The following TCERG1L variants were observed in gnomAD, a reference collection of about 807,000 sequenced individuals.
TCERG1L encodes the protein transcription elongation regulator 1 like, also known as transcription elongation regulator 1-like protein.
In TCERG1L, 37 loss-of-function variants were observed where a neutral mutation model predicts 56.3. The ratio of observed to expected loss-of-function variants is 0.66; its 90% confidence interval spans 0.51 to 0.87. The LOEUF is 0.87. Among genes scored for constraint, TCERG1L ranks in the 40% least tolerant of loss-of-function variants. The pLI is 0.00. For missense variants in TCERG1L, 799 were observed against 774.2 expected (o/e 1.03, Z -0.38); for synonymous variants, 324 against 326.3 (o/e 0.99, Z 0.08).
intron 3 of TCERG1L, among the ~76,000 whole-genome samples, chr10:131,300,402 T>A (rs1462759061): frequency 6.6e-6 from 1 of 152,214 alleles, no homozygotes; most frequent in Non-Finnish European, 1.5e-5. Flanking sequence ...CTCTCCTGGC[T>A]CTGGAAAAAG....
chr10:131,125,208 CATG>C (rs1564796575), intron 8 of TCERG1L, among the ~76,000 whole-genome samples: 1 of 151,398 alleles, frequency 6.6e-6, no homozygotes, highest in Non-Finnish European at 1.5e-5. Context: ...TGGTGATGAA[CATG>C]ATGATGATGG....
chr10:131,265,530 A>G (rs1429897351), intron 3 of TCERG1L, among the ~76,000 whole-genome samples: 1 of 152,226 alleles, frequency 6.6e-6, no homozygotes, highest in African/African-American at 2.4e-5. Flanking sequence ...CATGATAACC[A>G]TCGGAATTGA....
chr10:131,131,682 G>A (rs914323274), intron 8 of TCERG1L, among the ~76,000 whole-genome samples: 12 of 152,166 alleles, frequency 7.9e-5, no homozygotes, highest in Non-Finnish European at 1.2e-4. Context: ...AATGTGTATC[G>A]ATTATGCCAG....
intron 4 of TCERG1L, among the ~76,000 whole-genome samples, chr10:131,234,622 G>A (rs1845892485): frequency 6.6e-6 from 1 of 152,196 alleles, no homozygotes; most frequent in Admixed American, 6.5e-5. Context: ...AAAATAACCA[G>A]CACCTTGGAA....
At chr10:131,250,958 C>A (rs920040723) in intron 4 of TCERG1L, among the ~76,000 whole-genome samples, 1 of 152,116 alleles carries the variant, frequency 6.6e-6, no homozygotes, top group Non-Finnish European at 1.5e-5. Context: ...ATTTCACCAC[C>A]GACACTGGGC....
chr10:131,162,540 A>C (rs905983814), intron 6 of TCERG1L: 1 of 152,236 alleles, frequency 6.6e-6, no homozygotes, highest in Admixed American at 6.5e-5. Flanking sequence ...CTGTTCTTTA[A>C]ATTAGCTGTG....
rs1835461515 is a variant in TCERG1L at position 131,103,861 on chromosome 10, A to C, written c.1485+404T>G. On this transcript the variant is annotated intron_variant, in intron 10 of 11. Coordinates refer to ENST00000368642, the MANE Select transcript of TCERG1L (RefSeq NM_174937.4). The surrounding 1 kb of genome is among the most constrained non-coding windows in gnomAD (Gnocchi z 4.3). Reference sequence around the variant, plus strand: ...TCTTAACATTAGTGACTTCATTTTGATTCTGACAACTTTCATATTATATAA... The same window carrying C: ...TCTTAACATTAGTGACTTCATTTTGCTTCTGACAACTTTCATATTATATAA... Among the ~76,000 whole-genome samples, 5 of 152,122 alleles carry C rather than the reference A, an allele frequency of 3.3e-5. No homozygotes were observed. Among genetic ancestry groups the C allele is most frequent in the Admixed American group, 1.3e-4 (2 of 15,274 alleles).
intron 3 of TCERG1L, among the ~76,000 whole-genome samples, chr10:131,269,932 C>G (rs921660731): frequency 6.6e-6 from 1 of 152,170 alleles, no homozygotes; most frequent in African/African-American, 2.4e-5. Flanking sequence ...ACCAAACCCG[C>G]AACCCACAGA....
intron 3 of TCERG1L, among the ~76,000 whole-genome samples, chr10:131,274,693 C>T (rs1215202148): frequency 1.3e-5 from 2 of 152,204 alleles, no homozygotes; most frequent in African/African-American, 4.8e-5. Flanking sequence ...TCAACTTTCC[C>T]CAAGCTTCCT....
chr10:131,167,089 T>C (rs1395718990), intron 4 of TCERG1L, among the ~76,000 whole-genome samples: 1 of 152,120 alleles, frequency 6.6e-6, no homozygotes, highest in Non-Finnish European at 1.5e-5. Flanking sequence ...CACCTGACAA[T>C]GGGTTTGCAG....
At chr10:131,220,840 G>A (rs1161409568) in intron 4 of TCERG1L, among the ~76,000 whole-genome samples, 2 of 152,214 alleles carry the variant, frequency 1.3e-5, no homozygotes, top group Non-Finnish European at 2.9e-5. Flanking sequence ...CGGGGGCTCC[G>A]AGGGTTTGCC....
At chr10:131,093,492 G>A (rs1400813354) in intron 11 of TCERG1L, among the ~76,000 whole-genome samples, 174 bp from the exon 12 acceptor site, 2 of 151,974 alleles carry the variant, frequency 1.3e-5, no homozygotes, top group African/African-American at 2.4e-5. Flanking sequence ...CTCCTCACCC[G>A]GGTCCTGCAG....
rs1016084587 is a variant in TCERG1L at position 131,144,917 on chromosome 10, T to A, written c.1189+1589A>T. On this transcript the variant is annotated intron_variant, in intron 7 of 11. Transcript: ENST00000368642. ...TCCTGGCGAGCCCTGAGACCGCAGG[T>A]GGCCCAGTGGGGGCGTTTGCAGATG... Among the ~76,000 whole-genome samples the A allele has an allele frequency of 2.8e-4, 43 of 152,208 alleles. 1 individual carries two copies. Among genetic ancestry groups the A allele is most frequent in the African/African-American group, 8.9e-4 (37 of 41,448 alleles).
chr10:131,235,511 G>A (rs1488595863), intron 4 of TCERG1L, among the ~76,000 whole-genome samples: 2 of 152,090 alleles, frequency 1.3e-5, no homozygotes, highest in Non-Finnish European at 2.9e-5. Flanking sequence ...TAATGATAAA[G>A]AACAACTAAA....
intron 7 of TCERG1L, among the ~76,000 whole-genome samples, chr10:131,142,610 G>A (rs10829919): frequency 0.33 from 49,840 of 152,086 alleles, 8,283 homozygotes; most frequent in East Asian, 0.42. Flanking sequence ...TGCAGCTGCT[G>A]CCTGGTGAGC....
At chr10:131,242,102 T>C (rs2133522041) in intron 4 of TCERG1L, among the ~76,000 whole-genome samples, 1 of 152,292 alleles carries the variant, frequency 6.6e-6, no homozygotes, top group Non-Finnish European at 1.5e-5. Flanking sequence ...AATACTTTTA[T>C]TAGGAGGTTG....
intron 4 of TCERG1L, among the ~76,000 whole-genome samples, chr10:131,245,547 G>A (rs938298824): frequency 2.0e-5 from 3 of 152,130 alleles, no homozygotes; most frequent in African/African-American, 2.4e-5. Flanking sequence ...CTCTCCGGGG[G>A]CAGCGACAGG....
chr10:131,242,085 G>T (rs891611289), intron 4 of TCERG1L, among the ~76,000 whole-genome samples: 1 of 152,158 alleles, frequency 6.6e-6, no homozygotes, highest in African/African-American at 2.4e-5. Flanking sequence ...ACACCGAAGG[G>T]ATCTGGAATA....
intron 4 of TCERG1L, among the ~76,000 whole-genome samples, chr10:131,235,677 G>C (rs1029964954): frequency 2.0e-5 from 3 of 152,076 alleles, no homozygotes; most frequent in African/African-American, 4.8e-5. Context: ...TCAACATGTA[G>C]AACAACATAT....
Sources: gnomAD v4.1 joint callset for allele counts (sites outside exome capture counted in the v4.1 genomes callset) on GRCh38, gnomAD v4.1.1 for gene constraint, Gnocchi (gnomAD v3.1) non-coding constraint, MANE v1.5 for transcripts, NCBI Gene and HGNC (gene_info 2026-07-23, HGNC 2026-07-21) for gene names.